CD5L: variants seen among roughly 807,000 people sequenced by gnomAD.
CD5L encodes CD5 molecule like.
CD5L carries 39 observed loss-of-function variants against 40.8 expected under a neutral mutation model. That is an observed-to-expected ratio of 0.96 (90% CI 0.74 to 1.25). The LOEUF (loss-of-function observed/expected upper bound fraction) is 1.25, where lower values mean the gene tolerates loss of function less well. Ranked by LOEUF, CD5L falls within the 50% of genes most tolerant of loss-of-function variation. CD5L has a pLI of 0.00. For missense variants in CD5L, 433 were observed against 435.9 expected (o/e 0.99, Z 0.06); for synonymous variants, 192 against 169.6 (o/e 1.13, Z -1.03).
chr1:157,827,078 A>G (rs952981411), downstream of CD5L, among the ~76,000 whole-genome samples: 1 of 152,246 alleles, frequency 6.6e-6, no homozygotes, highest in Non-Finnish European at 1.5e-5. Context: ...CCATGAACAC[A>G]TAGTGCTATC....
chr1:157,830,644 A>G (rs996414394), downstream of CD5L, among the ~76,000 whole-genome samples: 3 of 152,248 alleles, frequency 2.0e-5, no homozygotes, highest in Non-Finnish European at 4.4e-5. Flanking sequence ...AAGCAAAAAA[A>G]TGTCAGATTA....
At chr1:157,837,418 C>T (rs1261705467) in intron 2 of CD5L, among the ~76,000 whole-genome samples, 1 of 152,132 alleles carries the variant, frequency 6.6e-6, no homozygotes, top group Non-Finnish European at 1.5e-5. Context: ...GTTCTGCCCT[C>T]AAGAAGCTTA....
intron 3 of CD5L, 22 bp from the exon 4 acceptor site, chr1:157,834,770 G>A (rs1200776280): frequency 4.5e-6 from 7 of 1,572,292 alleles, no homozygotes; most frequent in Admixed American, 1.7e-5. Context: ...GAAAGAGAGC[G>A]TGTCTGTTCT....
At chr1:157,829,727 A>T (rs1282776459), downstream of CD5L, among the ~76,000 whole-genome samples, 2 of 152,224 alleles carry the variant, frequency 1.3e-5, no homozygotes, top group African/African-American at 4.8e-5. Flanking sequence ...TAAATATATT[A>T]TCTGGGGTTC....
At chr1:157,832,451 G>A (rs1345254304) in intron 5 of CD5L, among the ~76,000 whole-genome samples, 1 of 152,194 alleles carries the variant, frequency 6.6e-6, no homozygotes. Context: ...GTTTAACCAA[G>A]TAGCCCCACA....
In CD5L at chr1:157,831,663, G is replaced by A. The variant is rs111770134; in HGVS notation, c.*301C>T. On this transcript the variant is annotated 3_prime_UTR_variant, in exon 6 of 6. Coordinates refer to ENST00000368174, the MANE Select transcript of CD5L (RefSeq NM_005894.3). ...AAAGTGACAGGTTTGAGGATTCCAGGCAGCTTGAGAAAAGGCAGGAAAGGC... is the reference window on the plus strand; with the variant it reads ...AAAGTGACAGGTTTGAGGATTCCAGACAGCTTGAGAAAAGGCAGGAAAGGC... The A allele has an allele frequency of 1.0e-5, 12 of 1,178,532 alleles. No homozygotes were observed. In the South Asian group the frequency reaches 1.3e-4, roughly 12 times the overall value. 73.0% of individuals were successfully genotyped at this position (1,178,532 alleles called of 1,614,324 possible).
chr1:157,833,106 CT>C, intron 5 of CD5L, 85 bp downstream of exon 5: 13 of 1,088,930 alleles, frequency 1.2e-5, no homozygotes, highest in Non-Finnish European at 1.7e-5. Context: ...TGAAAATACC[CT>C]TTTCCCCAGA....
In CD5L at chr1:157,832,071, T is replaced by C. The variant is rs183201613; in HGVS notation, c.1040-103A>G. On this transcript the variant is annotated intron_variant, in intron 5 of 5. Coordinates refer to ENST00000368174, the MANE Select transcript of CD5L (RefSeq NM_005894.3). ...TAAGGGAGAAGACTGGGGCTCAACA[T>C]AGGAAAAAGAGCTAAGCCATGTACA... 248 of 929,532 alleles carry C rather than the reference T, an allele frequency of 2.7e-4. 1 individual carries two copies. The South Asian group carries it at 4.3e-3, about 16-fold the overall frequency. 57.6% of individuals were successfully genotyped at this position (929,532 alleles called of 1,614,324 possible).
At chr1:157,836,229 C>T (rs556224880) in intron 2 of CD5L, 74 bp from the exon 3 acceptor site, 1 of 1,209,244 alleles carries the variant, frequency 8.3e-7, no homozygotes. Context: ...CTCAGTCAAT[C>T]TGGGACTCTT....
intron 4 of CD5L, 76 bp downstream of exon 4, chr1:157,834,331 T>C: frequency 8.0e-7 from 1 of 1,257,266 alleles, no homozygotes; most frequent in South Asian, 1.5e-5. Flanking sequence ...AGTAGCTCTT[T>C]GTAAATACTG....
intron 2 of CD5L, 35 bp from the exon 3 acceptor site, chr1:157,836,190 G>A: frequency 6.4e-7 from 1 of 1,555,848 alleles, no homozygotes; most frequent in Middle Eastern, 1.7e-4. Flanking sequence ...AGAGGCCTGA[G>A]AGGAGCTCAG....
At chr1:157,833,100 A>G in intron 5 of CD5L, 92 bp downstream of exon 5, 1 of 1,034,348 alleles carries the variant, frequency 9.7e-7, no homozygotes, top group Non-Finnish European at 1.4e-6. Flanking sequence ...CGCTTGTGAA[A>G]ATACCCTTTT....
chr1:157,833,597 A>G, intron 4 of CD5L, 85 bp from the exon 5 acceptor site: 1 of 1,141,936 alleles, frequency 8.8e-7, no homozygotes, highest in Non-Finnish European at 1.2e-6. Flanking sequence ...AAATTTTTTC[A>G]TTTTGTATTT....
At chr1:157,837,027 C>A (rs1331725904) in intron 2 of CD5L, among the ~76,000 whole-genome samples, 2 of 152,040 alleles carry the variant, frequency 1.3e-5, no homozygotes, top group African/African-American at 4.8e-5. Context: ...GAGGCTGAGG[C>A]AAGTGAATTT....
chr1:157,830,536 T>C (rs1320370294), downstream of CD5L, among the ~76,000 whole-genome samples: 2 of 152,180 alleles, frequency 1.3e-5, no homozygotes, highest in African/African-American at 4.8e-5. Context: ...TCTCTGTCTT[T>C]CCCTGATGAT....
At chr1:157,832,746 G>A (rs1028059231) in intron 5 of CD5L, among the ~76,000 whole-genome samples, 2 of 152,166 alleles carry the variant, frequency 1.3e-5, no homozygotes, top group East Asian at 3.8e-4. Flanking sequence ...AGAGTTTCAA[G>A]GTTAGGGTCA....
At chr1:157,833,801 G>T (rs973662969) in intron 4 of CD5L, among the ~76,000 whole-genome samples, 1 of 147,628 alleles carries the variant, frequency 6.8e-6, no homozygotes, top group South Asian at 2.2e-4. Context: ...TAAGAGACAG[G>T]GTTTTCCATA....
downstream of CD5L, among the ~76,000 whole-genome samples, chr1:157,830,637 CA>C (rs900775879): frequency 1.3e-5 from 2 of 151,996 alleles, no homozygotes; most frequent in Non-Finnish European, 2.9e-5. Flanking sequence ...AGAAGGAAAG[CA>C]AAAAAATGTC....
At chr1:157,840,159 T>G (rs1656329593) in intron 1 of CD5L, among the ~76,000 whole-genome samples, 1 of 152,236 alleles carries the variant, frequency 6.6e-6, no homozygotes, top group Non-Finnish European at 1.5e-5. Context: ...CTGTTTTAGC[T>G]GATTTAGATG....
Sources: allele counts gnomAD v4.1 joint callset (sites outside exome capture counted in the v4.1 genomes callset), GRCh38; gene constraint gnomAD v4.1.1; transcripts MANE v1.5; gene names NCBI Gene and HGNC (gene_info 2026-07-23, HGNC 2026-07-21).